Variants in GRIN2B observed in about 807,000 individuals in gnomAD.
GRIN2B encodes glutamate receptor ionotropic, NMDA 2B.
Under a neutral mutation model 114.5 loss-of-function variants are expected in GRIN2B, and 5 were observed. The observed-to-expected ratio is 0.04, with a 90% CI of 0.02 to 0.09. The LOEUF (loss-of-function observed/expected upper bound fraction) is 0.09, where lower values mean the gene tolerates loss of function less well. Among genes scored for constraint, GRIN2B ranks in the 10% least tolerant of loss-of-function variants. GRIN2B has a pLI of 1.00. For synonymous variants in GRIN2B, 787 were observed against 745.1 expected (o/e 1.06, Z -0.92); for missense variants, 1,108 against 1,943.5 (o/e 0.57, Z 8.08).
In GRIN2B at chr12:13,760,246, G is replaced by A. The variant is rs978419136; in HGVS notation, c.412-6331C>T. ...TAAATGTGAGCACCAGGAGGGCAGG[G>A]ATCGGCATGTGTTTGTTCATTGCTA... On this transcript the variant is annotated intron_variant, in intron 3 of 13. Transcript: ENST00000609686. 2.6e-5 allele frequency among the ~76,000 whole-genome samples: 4 copies of A among 152,178 alleles called. No homozygotes were observed. In the South Asian group the frequency reaches 6.2e-4, roughly 24 times the overall value.
At position 13,585,003 on chromosome 12, in the gene GRIN2B, G is replaced by T. The variant is rs375873898; in HGVS notation, c.2011-13039C>A. On this transcript the variant is annotated intron_variant, in intron 10 of 13. Transcript: ENST00000609686. ...TAAAAGCTGTGGGTGCTAGCAAAGA[G>T]AAATGGCCTTTAAAGAAGCTTTCAA... Among the ~76,000 whole-genome samples the T allele has an allele frequency of 1.2e-4, 18 of 152,310 alleles. 1 individual carries two copies. The East Asian group carries it at 3.3e-3, about 28-fold the overall frequency.
intron 5 of GRIN2B, among the ~76,000 whole-genome samples, chr12:13,643,766 T>C (rs375966735): frequency 1.8e-4 from 28 of 152,308 alleles, no homozygotes; most frequent in African/African-American, 6.3e-4. Context: ...GACAATGTTA[T>C]GGCATCTTCA....
chr12:13,688,109 G>C (rs1039996114), intron 4 of GRIN2B, among the ~76,000 whole-genome samples: 2 of 152,148 alleles, frequency 1.3e-5, no homozygotes, highest in African/African-American at 4.8e-5. Flanking sequence ...ACTGGGAGTT[G>C]AATCCATCCA....
chr12:13,844,707 C>T (rs1865440274), intron 3 of GRIN2B, among the ~76,000 whole-genome samples: 1 of 152,140 alleles, frequency 6.6e-6, no homozygotes, highest in Admixed American at 6.6e-5. Context: ...TTCTCAGAGA[C>T]TTATGGTGAT....
chr12:13,868,333 A>G (rs60145873), intron 2 of GRIN2B, among the ~76,000 whole-genome samples: 1 of 151,972 alleles, frequency 6.6e-6, no homozygotes, highest in South Asian at 2.1e-4. Context: ...AGCAGGAGAA[A>G]CAGGGCCTGA....
chr12:13,665,332 G>A (rs527635929), intron 5 of GRIN2B, among the ~76,000 whole-genome samples: 1 of 152,036 alleles, frequency 6.6e-6, no homozygotes, highest in South Asian at 2.1e-4. Context: ...GCCAGTCACA[G>A]TCTGGGCTAA....
At position 13,855,604 on chromosome 12, in the gene GRIN2B, A is replaced by G. The variant is rs970095388; in HGVS notation, c.411+10194T>C. ...GGCGGCTTTCCTAGCTTGTAGCTCAACAACTACCACCTCTATCTCTCTTTA... is the reference window on the plus strand; with the variant it reads ...GGCGGCTTTCCTAGCTTGTAGCTCAGCAACTACCACCTCTATCTCTCTTTA... On this transcript the variant is annotated intron_variant, in intron 3 of 13. Transcript: ENST00000609686. 5.9e-5 allele frequency among the ~76,000 whole-genome samples: 9 copies of G among 152,212 alleles called. No individual in the cohort carries two copies. In the South Asian group the frequency reaches 1.5e-3, roughly 25 times the overall value.
intron 5 of GRIN2B, among the ~76,000 whole-genome samples, chr12:13,624,260 A>T (rs966786392): frequency 6.6e-6 from 1 of 152,222 alleles, no homozygotes; most frequent in Admixed American, 6.5e-5. Context: ...GGCATGAATA[A>T]CAACTATGTT....
At chr12:13,596,754 A>G (rs1265086386) in intron 10 of GRIN2B, among the ~76,000 whole-genome samples, 1 of 152,236 alleles carries the variant, frequency 6.6e-6, no homozygotes, top group African/African-American at 2.4e-5. Context: ...GAAGAAAACA[A>G]ACTTCGCTGG....
At chr12:13,953,393 T>C (rs1040292687) in intron 2 of GRIN2B, among the ~76,000 whole-genome samples, 1 of 152,166 alleles carries the variant, frequency 6.6e-6, no homozygotes, top group Non-Finnish European at 1.5e-5. Flanking sequence ...GAGGAGAATG[T>C]GGGATGGGAG....
At chr12:13,893,001 T>C (rs886399820) in intron 2 of GRIN2B, among the ~76,000 whole-genome samples, 2 of 152,162 alleles carry the variant, frequency 1.3e-5, no homozygotes, top group African/African-American at 2.4e-5. Flanking sequence ...AACTGAATGA[T>C]GACCTGACCA....
intron 2 of GRIN2B, among the ~76,000 whole-genome samples, chr12:13,880,475 G>A (rs1866055255): frequency 6.6e-6 from 1 of 152,090 alleles, no homozygotes; most frequent in African/African-American, 2.4e-5. Context: ...ATCTCCCATC[G>A]CTAAATCCAT....
intron 3 of GRIN2B, among the ~76,000 whole-genome samples, chr12:13,865,554 C>T (rs548897777): frequency 6.6e-6 from 1 of 152,184 alleles, no homozygotes; most frequent in African/African-American, 2.4e-5. Flanking sequence ...ATCACTTGAA[C>T]CTGGGAAGTG....
chr12:13,960,610 G>A (rs148095557), intron 2 of GRIN2B, among the ~76,000 whole-genome samples: 54 of 152,290 alleles, frequency 3.5e-4, no homozygotes, highest in Non-Finnish European at 6.6e-4. Context: ...CTAAGAAACA[G>A]GGACCCCAGA....
chr12:13,625,286 A>G (rs906164630), intron 5 of GRIN2B, among the ~76,000 whole-genome samples: 1 of 152,144 alleles, frequency 6.6e-6, no homozygotes, highest in African/African-American at 2.4e-5. Context: ...TTCCTTGCAA[A>G]CTTACTGTGA....
At position 13,830,928 on chromosome 12, in the gene GRIN2B, C is replaced by T. The variant is rs115714881; in HGVS notation, c.411+34870G>A. Among the ~76,000 whole-genome samples the T allele has an allele frequency of 6.5e-3, 993 of 152,302 alleles. 6 individuals are homozygous for T. The highest frequency in any genetic ancestry group is 0.022 in the African/African-American group (903 of 41,570). On this transcript the variant is annotated intron_variant, in intron 3 of 13. Coordinates refer to ENST00000609686, the MANE Select transcript of GRIN2B (RefSeq NM_000834.5). ...GACCGTCCAAACCTTTGTTGAAATT[C>T]GATCCCCAATGTTGGAGGTGGGTCC...
intron 3 of GRIN2B, among the ~76,000 whole-genome samples, chr12:13,757,962 A>G (rs1863608441): frequency 6.6e-6 from 1 of 152,202 alleles, no homozygotes; most frequent in Non-Finnish European, 1.5e-5. Flanking sequence ...ATAAAGGATT[A>G]AGTGCCCCAG....
At chr12:13,836,232 CA>C (rs1865262235) in intron 3 of GRIN2B, among the ~76,000 whole-genome samples, 1 of 152,184 alleles carries the variant, frequency 6.6e-6, no homozygotes, top group Non-Finnish European at 1.5e-5. Context: ...AGGCCTTTCC[CA>C]GGAGACTTGA....
At chr12:13,764,858 T>C (rs539630741) in intron 3 of GRIN2B, among the ~76,000 whole-genome samples, 21 of 152,226 alleles carry the variant, frequency 1.4e-4, no homozygotes, top group Non-Finnish European at 2.6e-4. Flanking sequence ...CTTGCCCCCA[T>C]CCTCGTCAGA....
Sources: gnomAD v4.1 joint callset for allele counts (sites outside exome capture counted in the v4.1 genomes callset) on GRCh38, gnomAD v4.1.1 for gene constraint, MANE v1.5 for transcripts, NCBI Gene and HGNC (gene_info 2026-07-23, HGNC 2026-07-21) for gene names.